ADAMTS3: variants seen among roughly 807,000 people sequenced by gnomAD.
The protein encoded by ADAMTS3 is ADAM metallopeptidase with thrombospondin type 1 motif 3, also known as A disintegrin and metalloproteinase with thrombospondin motifs 3.
ADAMTS3 carries 73 observed loss-of-function variants against 129.0 expected under a neutral mutation model. The ratio of observed to expected loss-of-function variants is 0.57; its 90% CI spans 0.47 to 0.69. The LOEUF is 0.69. Ranked by LOEUF, ADAMTS3 falls within the 30% of genes least tolerant of loss-of-function variation. ADAMTS3 has a pLI of 0.00. For synonymous variants in ADAMTS3, 477 were observed against 510.8 expected, an observed-to-expected ratio of 0.93 and a Z score of 0.89; for missense variants, 1,457 against 1,514.5, an observed-to-expected ratio of 0.96 and a Z score of 0.63.
At chr4:72,398,931 G>C (rs931322834) in intron 4 of ADAMTS3, among the ~76,000 whole-genome samples, 3 of 152,140 alleles carry the variant, frequency 2.0e-5, no homozygotes, top group African/African-American at 7.2e-5. Flanking sequence ...AAGGTGATAA[G>C]TGCAATTTCA....
At chr4:72,456,334 T>TACTGTATATAC (rs1718613951) in intron 3 of ADAMTS3, among the ~76,000 whole-genome samples, 1 of 80,928 alleles carries the variant, frequency 1.2e-5, no homozygotes, top group African/African-American at 4.9e-5. Context: ...ATAGTATATA[T>TACTGTATATAC]ACTGTATATA....
intron 3 of ADAMTS3, among the ~76,000 whole-genome samples, chr4:72,444,197 C>T (rs1242458896): frequency 4.0e-5 from 6 of 151,682 alleles, no homozygotes; most frequent in Admixed American, 3.9e-4. Flanking sequence ...ACAGTTCCTT[C>T]TCCTATTCCT....
chr4:72,415,047 A>T, intron 3 of ADAMTS3, 76 bp from the exon 4 acceptor site: 1 of 1,105,110 alleles, frequency 9.0e-7, no homozygotes. Context: ...ATCTTTTTAA[A>T]TGTCAAGAAT....
chr4:72,324,355 G>C (rs1190384014), intron 5 of ADAMTS3, among the ~76,000 whole-genome samples: 2 of 152,078 alleles, frequency 1.3e-5, no homozygotes, highest in African/African-American at 2.4e-5. Context: ...TGACTGCACA[G>C]AACACCTTTA....
chr4:72,366,967 T>A (rs1720885340), intron 4 of ADAMTS3, among the ~76,000 whole-genome samples: 1 of 152,012 alleles, frequency 6.6e-6, no homozygotes, highest in African/African-American at 2.4e-5. Context: ...TCTTTTGCTC[T>A]CCTCTCATCT....
At chr4:72,565,876 A>G (rs1722009578) in intron 2 of ADAMTS3, among the ~76,000 whole-genome samples, 1 of 152,210 alleles carries the variant, frequency 6.6e-6, no homozygotes, top group African/African-American at 2.4e-5. Context: ...TTAAAATTCT[A>G]ATCAAAGCTA....
intron 18 of ADAMTS3, 96 bp from the exon 19 acceptor site, chr4:72,295,882 T>C: frequency 1.4e-6 from 2 of 1,440,062 alleles, no homozygotes; most frequent in Admixed American, 2.0e-5. Flanking sequence ...TATTCATCCA[T>C]TCAATAAATA....
intron 2 of ADAMTS3, among the ~76,000 whole-genome samples, chr4:72,566,860 T>C (rs1409986620): frequency 6.6e-6 from 1 of 152,210 alleles, no homozygotes; most frequent in African/African-American, 2.4e-5. Context: ...GGCCTAACAG[T>C]ATCTTTCACA....
At chr4:72,451,189 A>G (rs1449589409) in intron 3 of ADAMTS3, among the ~76,000 whole-genome samples, 1 of 151,698 alleles carries the variant, frequency 6.6e-6, no homozygotes, top group East Asian at 2.0e-4. Flanking sequence ...CCAGGTATCT[A>G]AAACAGGAGA....
At chr4:72,513,964 T>C (rs529561773) in intron 3 of ADAMTS3, among the ~76,000 whole-genome samples, 21 of 152,340 alleles carry the variant, frequency 1.4e-4, no homozygotes, top group African/African-American at 4.3e-4. Flanking sequence ...GTTATTTCAC[T>C]GAGGATAAAT....
rs1278420225 is a variant in ADAMTS3, at chr4:72,548,600, G to C, written c.382C>G (p.Gln128Glu). ...ATTCTATACGTAGCACTTCCTGGTT[G>C]ATGGTTGTTAATGGGATCGGTTATA... ...GNITDPINNH[Q>E]PGSATYRIRR... is the part of the protein sequence containing the mutation. Residue 128 changes from glutamine to glutamate, a missense_variant, in exon 3 of 22, where the codon CAA becomes GAA. Coordinates refer to ENST00000286657, the MANE Select transcript of ADAMTS3 (RefSeq NM_014243.3). 1 of 1,613,932 alleles carries C rather than the reference G, an allele frequency of 6.2e-7. No homozygotes were observed. The highest frequency in any genetic ancestry group is 2.2e-5 in the East Asian group (1 of 44,884).
At chr4:72,528,921 T>C (rs1720885842) in intron 3 of ADAMTS3, among the ~76,000 whole-genome samples, 1 of 151,956 alleles carries the variant, frequency 6.6e-6, no homozygotes, top group South Asian at 2.1e-4. Context: ...TCCCCAACAA[T>C]AAATGTACAT....
chr4:72,555,653 A>G (rs2139073), intron 2 of ADAMTS3, among the ~76,000 whole-genome samples: 146,259 of 151,838 alleles, frequency 0.96, 70,847 homozygotes, highest in East Asian at 1. Flanking sequence ...TGGGTCAGAA[A>G]TATAATATCT....
intron 3 of ADAMTS3, among the ~76,000 whole-genome samples, chr4:72,520,002 A>T (rs1311971372): frequency 6.6e-6 from 1 of 151,986 alleles, no homozygotes. Flanking sequence ...ATGGTGATGT[A>T]CAGATGGGTT....
At chr4:72,397,562 T>TACACACACAC (rs35076637) in intron 4 of ADAMTS3, among the ~76,000 whole-genome samples, 21 of 147,586 alleles carry the variant, frequency 1.4e-4, no homozygotes, top group Admixed American at 3.4e-4. Flanking sequence ...GAGACTCTAT[T>TACACACACAC]ACACACACAC....
chr4:72,435,750 G>A (rs942583031), intron 3 of ADAMTS3, among the ~76,000 whole-genome samples: 2 of 151,902 alleles, frequency 1.3e-5, no homozygotes, highest in African/African-American at 4.8e-5. Flanking sequence ...ATAGGAAATG[G>A]GGAAAGGATT....
chr4:72,501,757 G>A (rs1038640961), intron 3 of ADAMTS3, among the ~76,000 whole-genome samples: 3 of 150,828 alleles, frequency 2.0e-5, no homozygotes, highest in African/African-American at 7.3e-5. Context: ...GTCATAGACA[G>A]TTATTAAAAT....
chr4:72,360,304 T>C (rs1325174488), intron 4 of ADAMTS3, among the ~76,000 whole-genome samples: 3 of 152,026 alleles, frequency 2.0e-5, no homozygotes, highest in South Asian at 2.1e-4. Flanking sequence ...TCGAGCAATG[T>C]CACAGTCTAC....
intron 3 of ADAMTS3, among the ~76,000 whole-genome samples, chr4:72,480,517 G>T (rs1226362654): frequency 6.6e-6 from 1 of 151,940 alleles, no homozygotes; most frequent in East Asian, 1.9e-4. Flanking sequence ...GACACAGGAA[G>T]GGGAACATAA....
Sources: gnomAD v4.1 joint callset for allele counts (sites outside exome capture counted in the v4.1 genomes callset) on GRCh38, gnomAD v4.1.1 for gene constraint, MANE v1.5 for transcripts, NCBI Gene and HGNC (gene_info 2026-07-23, HGNC 2026-07-21) for gene names.